The following CC2D2A variants were observed in gnomAD, a reference collection of about 807,000 sequenced individuals.
CC2D2A encodes coiled-coil and C2 domain-containing protein 2A.
CC2D2A carries 155 observed loss-of-function variants against 212.9 expected under a neutral mutation model. The observed-to-expected ratio is 0.73, with a 90% CI of 0.64 to 0.83. The LOEUF (loss-of-function observed/expected upper bound fraction) is 0.83, where lower values mean the gene tolerates loss of function less well. Among genes scored for constraint, CC2D2A ranks in the 40% least tolerant of loss-of-function variants. The pLI is 0.00. For synonymous variants in CC2D2A, 667 were observed against 686.5 expected, an observed-to-expected ratio of 0.97 and a Z score of 0.44; for missense variants, 1,856 against 1,956.2, an observed-to-expected ratio of 0.95 and a Z score of 0.97.
intron 35 of CC2D2A, among the ~76,000 whole-genome samples, chr4:15,598,465 T>C (rs1410689519): frequency 6.6e-6 from 1 of 152,230 alleles, no homozygotes. Context: ...TCCCCTCATC[T>C]GTAAAATCAG....
intron 11 of CC2D2A, among the ~76,000 whole-genome samples, chr4:15,518,319 G>A (rs990273578): frequency 1.1e-4 from 16 of 152,110 alleles, no homozygotes; most frequent in Non-Finnish European, 1.8e-4. Flanking sequence ...AACATGTCTC[G>A]CATTCCGGTC....
Position 15,517,249 on chromosome 4 carries a change from A to G in CC2D2A, c.1149+493A>G, listed in dbSNP as rs138778395. On this transcript the variant is annotated intron_variant, in intron 11 of 36. Coordinates refer to ENST00000424120, the MANE Select transcript of CC2D2A (RefSeq NM_001378615.1). ...GGTGTGAGCCACCGCGCCCAGCCCA[A>G]TGCATCCCTTCTTAAACAAGGAGTG... 3.3e-4 allele frequency among the ~76,000 whole-genome samples: 50 copies of G among 152,228 alleles called. No homozygotes were observed. In the East Asian group the frequency reaches 9.1e-3, roughly 28 times the overall value.
At chr4:15,567,262 C>A (rs922637417) in intron 24 of CC2D2A, 115 bp from the exon 25 acceptor site, 2 of 757,754 alleles carry the variant, frequency 2.6e-6, no homozygotes, top group Non-Finnish European at 4.4e-6. Context: ...CATGCCACTG[C>A]ACTTCAGCTT....
At chr4:15,583,994 G>A (rs1720760148) in intron 30 of CC2D2A, among the ~76,000 whole-genome samples, 1 of 151,032 alleles carries the variant, frequency 6.6e-6, no homozygotes, top group African/African-American at 2.4e-5. Flanking sequence ...AAACACTGAT[G>A]AAAGAAATTG....
At chr4:15,564,859 T>C (rs1177368432) in intron 24 of CC2D2A, among the ~76,000 whole-genome samples, 1 of 152,072 alleles carries the variant, frequency 6.6e-6, no homozygotes, top group Non-Finnish European at 1.5e-5. Flanking sequence ...TTATTTTTTG[T>C]AGAGACAGGC....
chr4:15,596,269 T>C, intron 34 of CC2D2A, 62 bp downstream of exon 34: 1 of 1,398,778 alleles, frequency 7.1e-7, no homozygotes, highest in South Asian at 1.6e-5. Context: ...TTATACTGGG[T>C]TACAAGATAT....
intron 10 of CC2D2A, among the ~76,000 whole-genome samples, chr4:15,516,422 G>C (rs1029446286): frequency 2.6e-5 from 4 of 151,884 alleles, no homozygotes; most frequent in African/African-American, 7.3e-5. Flanking sequence ...AGGAAGCCAG[G>C]GTGTATATTT....
At chr4:15,477,920 C>T (rs576395406) in intron 2 of CC2D2A, among the ~76,000 whole-genome samples, 11 of 152,052 alleles carry the variant, frequency 7.2e-5, no homozygotes, top group South Asian at 4.2e-4. Flanking sequence ...CTTTGTGTTC[C>T]GAATTTGTTT....
At chr4:15,505,772 G>A (rs2109001646) in intron 6 of CC2D2A, among the ~76,000 whole-genome samples, 1 of 152,282 alleles carries the variant, frequency 6.6e-6, no homozygotes, top group African/African-American at 2.4e-5. Flanking sequence ...GGAAACCATT[G>A]AACAAGGTAA....
At chr4:15,524,519 T>C (rs1445579615) in intron 11 of CC2D2A, among the ~76,000 whole-genome samples, 54 of 148,282 alleles carry the variant, frequency 3.6e-4, no homozygotes, top group Middle Eastern at 3.5e-3. Context: ...AGCGCAATCT[T>C]GGCTCACTGC....
intron 29 of CC2D2A, among the ~76,000 whole-genome samples, chr4:15,577,185 G>A (rs2109080766): frequency 6.6e-6 from 1 of 152,096 alleles, no homozygotes; most frequent in Non-Finnish European, 1.5e-5. Context: ...TTGTAGAGTT[G>A]AGGTCTCCTT....
At chr4:15,555,350 C>T in intron 20 of CC2D2A, 140 bp downstream of exon 20, 1 of 1,082,900 alleles carries the variant, frequency 9.2e-7, no homozygotes, top group East Asian at 2.5e-5. Flanking sequence ...AGCTGTGCTT[C>T]TTGCCTGGCT....
chr4:15,484,670 A>G (rs188257609), intron 4 of CC2D2A, among the ~76,000 whole-genome samples: 12 of 152,356 alleles, frequency 7.9e-5, no homozygotes, highest in South Asian at 4.1e-4. Flanking sequence ...GAAAGCAGGA[A>G]GGTTGCCTCC....
At position 15,511,242 on chromosome 4, in the gene CC2D2A, G is replaced by C; in HGVS notation, c.541-5G>C. 6.3e-7 allele frequency: 1 copy of C among 1,592,134 alleles called. No homozygotes were observed. The highest frequency in any genetic ancestry group is 8.5e-7 in the Non-Finnish European group (1 of 1,170,844). On this transcript the variant is annotated splice_region_variant and splice_polypyrimidine_tract_variant and intron_variant, in intron 7 of 36. Transcript: ENST00000424120. ...AAATTGCGATTGCTCCTTGCTTTTC[G>C]TTAGGTTCCACCTGGCTTCCCTTCT...
Position 15,536,991 on chromosome 4 carries a change from T to G in CC2D2A, c.1679T>G (p.Leu560Ter). 1 of 1,613,836 alleles carries G rather than the reference T, an allele frequency of 6.2e-7. No individual in the cohort carries two copies. The highest frequency in any genetic ancestry group is 8.5e-7 in the Non-Finnish European group (1 of 1,179,776). Residue 560 changes from leucine to a stop codon, truncating the protein, a stop_gained, in exon 15 of 37, where the codon TTA becomes TGA. Coordinates refer to ENST00000424120, the MANE Select transcript of CC2D2A (RefSeq NM_001378615.1). LOFTEE classifies it high-confidence loss of function. The stretch of plus-strand genomic sequence containing the variant: ...ATTCAAGCTGAAATAAGTGAACTGT[T>G]AGAAGAGCACACGGAGGAGTACGCA... ...AEIQAEISELLEEHTEEYAQK... is the reference protein window; with the variant it reads ...AEIQAEISEL
chr4:15,485,371 T>C (rs1714936993), intron 4 of CC2D2A, among the ~76,000 whole-genome samples: 1 of 152,228 alleles, frequency 6.6e-6, no homozygotes. Context: ...TCTTTATCCA[T>C]TTATCCATTG....
intron 4 of CC2D2A, among the ~76,000 whole-genome samples, chr4:15,490,100 C>T (rs1014615500): frequency 3.9e-5 from 6 of 152,196 alleles, no homozygotes; most frequent in Admixed American, 1.3e-4. Flanking sequence ...ACTCAACATC[C>T]ACTTTTGCAC....
chr4:15,536,487 A>G (rs902313503), intron 14 of CC2D2A, among the ~76,000 whole-genome samples: 1 of 152,204 alleles, frequency 6.6e-6, no homozygotes, highest in Non-Finnish European at 1.5e-5. Flanking sequence ...AATTTTTTAA[A>G]AAGTGGTTTC....
At position 15,527,509 on chromosome 4, in the gene CC2D2A, C is replaced by G. The variant is rs1717573209; in HGVS notation, c.1212C>G (p.Phe404Leu). 6.2e-7 allele frequency: 1 copy of G among 1,613,552 alleles called. No homozygotes were observed. Among genetic ancestry groups the G allele is most frequent in the Non-Finnish European group, 8.5e-7 (1 of 1,179,732 alleles). Reference sequence around the variant, plus strand: ...GATCTGGAGACCCTCCTGGAAATTTCCAACTGGACATTGATATTTCAGGGT... The same window carrying G: ...GATCTGGAGACCCTCCTGGAAATTTGCAACTGGACATTGATATTTCAGGGT... Reference protein sequence around the residue: ...VIRSGDPPGNFQLDIDISGLI... With the variant: ...VIRSGDPPGNLQLDIDISGLI... Residue 404 changes from phenylalanine to leucine, a missense_variant, in exon 12 of 37, where the codon TTC becomes TTG. By Grantham distance (22) the Phe-to-Leu change is conservative (BLOSUM62 0). Around this residue, in one of 5 missense-constraint regions of CC2D2A, gnomAD observed 1,512 missense variants for 1,579.3 expected, o/e 0.96. Transcript: ENST00000424120.
Sources: gnomAD v4.1 joint callset for allele counts (sites outside exome capture counted in the v4.1 genomes callset) on GRCh38, gnomAD v4.1.1 for gene constraint, gnomAD v4.1.1 regional missense constraint, MANE v1.5 for transcripts, NCBI Gene and HGNC (gene_info 2026-07-23, HGNC 2026-07-21) for gene names.